The following FAM20B variants were observed in gnomAD, a reference collection of about 807,000 sequenced individuals.
FAM20B encodes glycosaminoglycan xylosylkinase.
Under a neutral mutation model 43.8 loss-of-function variants are expected in FAM20B, and 23 were observed. The observed-to-expected ratio is 0.53, with a 90% confidence interval of 0.38 to 0.74. The LOEUF (loss-of-function observed/expected upper bound fraction) is 0.74, where lower values mean the gene tolerates loss of function less well. FAM20B is among the 30% of genes least tolerant of loss of function. The pLI is 0.00. For synonymous variants in FAM20B, 178 were observed against 192.4 expected, an observed-to-expected ratio of 0.93 and a Z score of 0.62; for missense variants, 440 against 510.5, an observed-to-expected ratio of 0.86 and a Z score of 1.33.
At chr1:179,036,059 G>A (rs1650214865) in intron 1 of FAM20B, among the ~76,000 whole-genome samples, 1 of 152,156 alleles carries the variant, frequency 6.6e-6, no homozygotes, top group African/African-American at 2.4e-5. Flanking sequence ...GAATCCAGGA[G>A]TTGGAGGTTG....
At chr1:179,060,291 T>C in intron 4 of FAM20B, among the ~76,000 whole-genome samples, 1 of 152,318 alleles carries the variant, frequency 6.6e-6, no homozygotes, top group East Asian at 1.9e-4. Flanking sequence ...AGAATTTTAT[T>C]GGACTTAAAT....
intron 3 of FAM20B, among the ~76,000 whole-genome samples, chr1:179,053,909 TA>T (rs1372107855): frequency 7.9e-5 from 12 of 152,258 alleles, no homozygotes; most frequent in African/African-American, 2.7e-4. Context: ...AGGTGATTTT[TA>T]TTTTCTTCAT....
chr1:179,063,827 C>A (rs1020938490), intron 4 of FAM20B, 100 bp from the exon 5 acceptor site: 3 of 753,940 alleles, frequency 4.0e-6, no homozygotes, highest in Admixed American at 2.7e-5. Flanking sequence ...TTGTTTTCAC[C>A]ATGCTTATTT....
intron 3 of FAM20B, among the ~76,000 whole-genome samples, chr1:179,052,420 T>TGA (rs1651045729): frequency 6.6e-6 from 1 of 152,236 alleles, no homozygotes; most frequent in Non-Finnish European, 1.5e-5. Context: ...GAGATTCATA[T>TGA]GCTGCTTATG....
At chr1:179,037,100 A>G (rs1295273452) in intron 1 of FAM20B, among the ~76,000 whole-genome samples, 1 of 152,244 alleles carries the variant, frequency 6.6e-6, no homozygotes, top group Non-Finnish European at 1.5e-5. Flanking sequence ...TACAGCTTTA[A>G]TGCCTTGCCA....
intron 3 of FAM20B, among the ~76,000 whole-genome samples, chr1:179,052,457 G>A (rs183326910): frequency 1.9e-4 from 29 of 152,224 alleles, no homozygotes; most frequent in African/African-American, 6.3e-4. Flanking sequence ...CAGTCTTTTT[G>A]TTAAGAACCC....
chr1:179,034,836 G>A (rs1650153094), intron 1 of FAM20B, among the ~76,000 whole-genome samples: 1 of 152,176 alleles, frequency 6.6e-6, no homozygotes, highest in African/African-American at 2.4e-5. Context: ...CCTTTGTGGT[G>A]CTTTGCATTT....
At chr1:179,030,893 AT>A (rs1226606276) in intron 1 of FAM20B, among the ~76,000 whole-genome samples, 16 of 150,772 alleles carry the variant, frequency 1.1e-4, no homozygotes, top group African/African-American at 2.2e-4. Flanking sequence ...AAAAAAAAAA[AT>A]GTGTGTGTGT....
chr1:179,033,235 C>T (rs911401041), intron 1 of FAM20B, among the ~76,000 whole-genome samples: 3 of 152,182 alleles, frequency 2.0e-5, no homozygotes, highest in South Asian at 4.1e-4. Flanking sequence ...GCCTTGATTG[C>T]TCTGCATAAG....
Position 179,073,671 on chromosome 1 carries a change from A to G in FAM20B, c.*1527A>G, listed in dbSNP as rs749885766. 1.2e-4 allele frequency: 18 copies of G among 152,156 alleles called. No homozygotes were observed. The highest frequency in any genetic ancestry group is 1.3e-4 in the Admixed American group (2 of 15,278). The allele number at this position is 152,156 out of a possible 1,614,324, so 9.4% of individuals were successfully genotyped here. On this transcript the variant is annotated 3_prime_UTR_variant, in exon 8 of 8. Coordinates refer to ENST00000263733, the MANE Select transcript of FAM20B (RefSeq NM_014864.4). ...TGAAATTGAGGAGGTTAAAAGGAAG[A>G]GCCTTAAGATTTTGATTTATGTCAA...
chr1:179,019,187 G>A, the FAM20B span, among the ~76,000 whole-genome samples: 1 of 152,158 alleles, frequency 6.6e-6, no homozygotes, highest in African/African-American at 2.4e-5. Context: ...ATTTATCTGG[G>A]CATCCCATGG....
intron 1 of FAM20B, among the ~76,000 whole-genome samples, chr1:179,042,148 G>A (rs975806293): frequency 5.3e-5 from 8 of 152,198 alleles, no homozygotes; most frequent in African/African-American, 1.7e-4. Context: ...CACTGGGCTC[G>A]TTCTACCCAC....
At chr1:179,035,889 G>T (rs564716113) in intron 1 of FAM20B, among the ~76,000 whole-genome samples, 8 of 152,222 alleles carry the variant, frequency 5.3e-5, no homozygotes, top group Middle Eastern at 3.4e-3. Context: ...CAGCACATTG[G>T]GGGGCTGAGG....
At chr1:179,069,354 C>A (rs980466499) in intron 7 of FAM20B, among the ~76,000 whole-genome samples, 1 of 152,050 alleles carries the variant, frequency 6.6e-6, no homozygotes, top group Non-Finnish European at 1.5e-5. Context: ...TAGCAGAGCA[C>A]ATTTTGTTTT....
intron 1 of FAM20B, among the ~76,000 whole-genome samples, chr1:179,033,330 G>C (rs1650084961): frequency 6.6e-6 from 1 of 152,186 alleles, no homozygotes; most frequent in African/African-American, 2.4e-5. Context: ...ACCTTTAAGA[G>C]ACTTTGTTAA....
At chr1:179,030,961 T>G in intron 1 of FAM20B, among the ~76,000 whole-genome samples, 1 of 152,044 alleles carries the variant, frequency 6.6e-6, no homozygotes, top group East Asian at 1.9e-4. Flanking sequence ...TGGAGCCACC[T>G]AGCCATAATT....
chr1:179,041,409 G>A (rs11581223), intron 1 of FAM20B, among the ~76,000 whole-genome samples: 5 of 151,940 alleles, frequency 3.3e-5, no homozygotes, highest in Non-Finnish European at 7.4e-5. Context: ...ATCCCGGCAC[G>A]TCTGGAGGCC....
In FAM20B at chr1:179,043,770, C is replaced by CT; in HGVS notation, c.-77dup. 1 of 1,394,326 alleles carries CT rather than the reference C, an allele frequency of 7.2e-7. No homozygotes were observed. The highest frequency in any genetic ancestry group is 1.4e-5 in the African/African-American group (1 of 69,668). The allele number at this position is 1,394,326 out of a possible 1,614,324, so 86.4% of individuals were successfully genotyped here. ...GGACCAATGTGTATAATCATGGAATCTCCTTGCTAACCATCACCACCAGCT... is the reference window on the plus strand; with the variant it reads ...GGACCAATGTGTATAATCATGGAATCTTCCTTGCTAACCATCACCACCAGCT... On this transcript the variant is annotated 5_prime_UTR_variant, in exon 2 of 8. An upstream open reading frame in the 5' UTR loses its in-frame stop. Transcript: ENST00000263733.
chr1:179,021,831 G>C (rs950983187), upstream of FAM20B, among the ~76,000 whole-genome samples: 9 of 152,226 alleles, frequency 5.9e-5, no homozygotes, highest in East Asian at 1.7e-3. Flanking sequence ...ATACTAAAAG[G>C]CACTGAGTAT....
Sources: allele counts gnomAD v4.1 joint callset (sites outside exome capture counted in the v4.1 genomes callset), GRCh38; gene constraint gnomAD v4.1.1; transcripts MANE v1.5; gene names NCBI Gene and HGNC (gene_info 2026-07-23, HGNC 2026-07-21).